LOXL4: variants seen among roughly 807,000 people sequenced by gnomAD.
LOXL4 encodes lysyl oxidase homolog 4.
In LOXL4, 72 loss-of-function variants were observed where a neutral mutation model predicts 89.1. The ratio of observed to expected loss-of-function variants is 0.81; its 90% CI spans 0.67 to 0.98. LOXL4 has a LOEUF of 0.98. Among genes scored for constraint, LOXL4 ranks in the 50% least tolerant of loss-of-function variants. LOXL4 has a pLI of 0.00. For synonymous variants in LOXL4, 355 were observed against 392.1 expected, an observed-to-expected ratio of 0.91 and a Z score of 1.12; for missense variants, 984 against 1,017.5, an observed-to-expected ratio of 0.97 and a Z score of 0.45.
chr10:98,260,924 G>A lies in LOXL4; in HGVS notation c.660C>T (p.Tyr220=), dbSNP rs753068721. The A allele has an allele frequency of 1.9e-6, 3 of 1,609,510 alleles. No individual in the cohort carries two copies. The highest frequency in any genetic ancestry group is 2.7e-5 in the African/African-American group (2 of 74,786). ...GCCTACGCCAGCCGCCCTCCTACCT[G>A]TAGTAGTGGCTGTCGACAGGCACCT... is the stretch of plus-strand genomic sequence containing the variant. ...PSEVPVDSHY[Y]RKVWDLKMRD... The change falls in exon 4 of 15, where the codon TAC becomes TAT. Residue 220 remains tyrosine (Y), a splice_region_variant and synonymous_variant. Transcript: ENST00000260702.
rs1191505650 is a variant in LOXL4, at chr10:98,259,379, G to A, written c.701+12C>T. On this transcript the variant is annotated intron_variant, in intron 5 of 14. Coordinates refer to ENST00000260702, the MANE Select transcript of LOXL4 (RefSeq NM_032211.7). Reference sequence around the variant, plus strand: ...CCCCTTTGCCTCCTCCCTCTAGGGTGCTGCTCCTCACCTAGACTTAGGGTC... The same window carrying A: ...CCCCTTTGCCTCCTCCCTCTAGGGTACTGCTCCTCACCTAGACTTAGGGTC... The A allele has an allele frequency of 2.0e-5, 33 of 1,612,602 alleles. No homozygotes were observed. The highest frequency in any genetic ancestry group is 2.7e-5 in the Non-Finnish European group (32 of 1,179,530).
intron 14 of LOXL4, among the ~76,000 whole-genome samples, chr10:98,250,632 C>T (rs913123663): frequency 2.0e-5 from 3 of 152,126 alleles, no homozygotes; most frequent in African/African-American, 4.8e-5. Context: ...TTTCCATGGT[C>T]CCCTTCTTGC....
intron 14 of LOXL4, among the ~76,000 whole-genome samples, chr10:98,250,441 C>G (rs1253128226): frequency 6.6e-6 from 1 of 152,238 alleles, no homozygotes; most frequent in Admixed American, 6.5e-5. Flanking sequence ...ATGAACAACT[C>G]TGCCCCATCC....
At position 98,261,017 on chromosome 10, in the gene LOXL4, C is replaced by T. The variant is rs752970914; in HGVS notation, c.567G>A (p.Gln189=). The T allele has an allele frequency of 2.5e-6, 4 of 1,613,950 alleles. No individual in the cohort carries two copies. The African/African-American group carries it at 5.3e-5, about 22-fold the overall frequency. Residue 189 remains glutamine (Q), a synonymous_variant, in exon 4 of 15, where the codon CAG becomes CAA. Transcript: ENST00000260702. The part of the protein sequence containing the change: ...VEVKYEGHWR[Q]VCDQGWTMNN... ...TCATGGTCCAGCCCTGGTCACACAC[C>T]TGCCGCCAGTGGCCCTCATACTTCA...
chr10:98,267,177 G>A (rs369624507), intron 1 of LOXL4, among the ~76,000 whole-genome samples: 21 of 152,120 alleles, frequency 1.4e-4, no homozygotes, highest in Non-Finnish European at 2.2e-4. Flanking sequence ...GCTAGACGCC[G>A]GACTCTCAAA....
chr10:98,259,831 G>A (rs7081469), intron 4 of LOXL4, among the ~76,000 whole-genome samples: 3,729 of 152,272 alleles, frequency 0.024, 147 homozygotes, highest in African/African-American at 0.08. Flanking sequence ...CCTCATGGGT[G>A]GCAGGCAAGT....
Position 98,258,045 on chromosome 10 carries a change from G to A in LOXL4, c.1041C>T (p.Val347=), listed in dbSNP as rs112540326. The change falls in exon 7 of 15, where the codon GTC becomes GTT. Residue 347 remains valine, a synonymous_variant. Transcript: ENST00000260702. ...AGCCAAAGCCCAGCTGACGACACACGACACTGGCAGAGATGAGGTTCCACC... is the reference window on the plus strand; with the variant it reads ...AGCCAAAGCCCAGCTGACGACACACAACACTGGCAGAGATGAGGTTCCACC... The part of the protein sequence containing the change: ...DHRWNLISAS[V]VCRQLGFGSA... 19 of 1,613,744 alleles carry A rather than the reference G, an allele frequency of 1.2e-5. 1 individual carries two copies. The highest frequency in any genetic ancestry group is 9.9e-5 in the South Asian group (9 of 91,088).
chr10:98,262,329 G>A (rs985330880), intron 2 of LOXL4, 116 bp from the exon 3 acceptor site: 7 of 1,099,560 alleles, frequency 6.4e-6, no homozygotes, highest in Admixed American at 2.5e-5. Flanking sequence ...GGAGAAAGTG[G>A]CAGGGAGGAG....
intron 11 of LOXL4, 84 bp downstream of exon 11, chr10:98,253,469 G>A: frequency 6.3e-7 from 1 of 1,586,760 alleles, no homozygotes; most frequent in African/African-American, 1.3e-5. Context: ...AAACTTGCCT[G>A]TGGCCAGGGA....
chr10:98,255,944 T>C (rs1410267571), intron 9 of LOXL4: 1 of 527,188 alleles, frequency 1.9e-6, no homozygotes, highest in Non-Finnish European at 3.3e-6. Flanking sequence ...CCACCACATA[T>C]GGAGGTAAAA....
At position 98,259,385 on chromosome 10, in the gene LOXL4, C is replaced by T. The variant is rs1858475906; in HGVS notation, c.701+6G>A. 2 of 1,612,906 alleles carry T rather than the reference C, an allele frequency of 1.2e-6. No individual in the cohort carries two copies. The highest frequency in any genetic ancestry group is 8.5e-7 in the Non-Finnish European group (1 of 1,179,744). On this transcript the variant is annotated splice_donor_region_variant and intron_variant, in intron 5 of 14. Coordinates refer to ENST00000260702, the MANE Select transcript of LOXL4 (RefSeq NM_032211.7). The stretch of plus-strand genomic sequence containing the variant: ...TGCCTCCTCCCTCTAGGGTGCTGCT[C>T]CTCACCTAGACTTAGGGTCCCTCAT...
Position 98,255,284 on chromosome 10 carries a change from G to C in LOXL4, c.1591+293C>G, listed in dbSNP as rs1858322659. ...GGAAAAACTGCCCTTGCTGTTTTCT[G>C]TCCTGTTTCATTGTTTGTAACTGTT... is the stretch of plus-strand genomic sequence containing the variant. On this transcript the variant is annotated intron_variant, in intron 10 of 14. Coordinates refer to ENST00000260702, the MANE Select transcript of LOXL4 (RefSeq NM_032211.7). Among the ~76,000 whole-genome samples the C allele has an allele frequency of 2.0e-5, 3 of 152,314 alleles. No individual in the cohort carries two copies. The South Asian group carries it at 6.2e-4, about 32-fold the overall frequency.
Position 98,251,694 on chromosome 10 carries a change from GC to G in LOXL4, c.1959del (p.Gln653HisfsTer14). The G allele has an allele frequency of 1.2e-6, 2 of 1,614,138 alleles. No individual in the cohort carries two copies. Among genetic ancestry groups the G allele is most frequent in the Non-Finnish European group, 8.5e-7 (1 of 1,180,020 alleles). ...LEDTNCPTGL[Q>X]RRYACANFGE... ...CCAAAGTTGGCACATGCGTAGCGCC[GC>G]TGCAGTCCTGTAAGGAAGGGGACAG... On this transcript the variant is annotated frameshift_variant, in exon 13 of 15. Coordinates refer to ENST00000260702, the MANE Select transcript of LOXL4 (RefSeq NM_032211.7). LOFTEE classifies it high-confidence loss of function.
At chr10:98,257,165 C>T (rs1344140460) in intron 8 of LOXL4, among the ~76,000 whole-genome samples, 1 of 152,216 alleles carries the variant, frequency 6.6e-6, no homozygotes. Context: ...AGTGCCTGGA[C>T]CAGGGGCTCC....
intron 1 of LOXL4, among the ~76,000 whole-genome samples, chr10:98,265,287 T>C (rs955079894): frequency 6.6e-6 from 1 of 152,202 alleles, no homozygotes; most frequent in African/African-American, 2.4e-5. Flanking sequence ...GGGATAATAA[T>C]AGTAACTACC....
At chr10:98,264,971 C>T (rs903653312) in intron 1 of LOXL4, among the ~76,000 whole-genome samples, 7 of 152,382 alleles carry the variant, frequency 4.6e-5, no homozygotes, top group East Asian at 1.9e-4. Context: ...TCCCTCTCAA[C>T]GGCCTTGGCC....
At position 98,262,121 on chromosome 10, in the gene LOXL4, G is replaced by C; in HGVS notation, c.370C>G (p.His124Asp). The C allele has an allele frequency of 6.2e-7, 1 of 1,613,370 alleles. No individual in the cohort carries two copies. Among genetic ancestry groups the C allele is most frequent in the Non-Finnish European group, 8.5e-7 (1 of 1,179,958 alleles). Residue 124 changes from histidine (H) to aspartate (D), a missense_variant, in exon 3 of 15, where the codon CAC (histidine) becomes GAC (aspartate). Coordinates refer to ENST00000260702, the MANE Select transcript of LOXL4 (RefSeq NM_032211.7). ...CATATCACCCCTACGTCTTCTGAGT[G>C]ACTGCAGTCACTGACTCCCCAGCCA... is the stretch of plus-strand genomic sequence containing the variant. Reference protein sequence around the residue: ...SNGWGVSDCSHSEDVGVICHP... With the variant: ...SNGWGVSDCSDSEDVGVICHP...
chr10:98,248,621 G>A lies in LOXL4; in HGVS notation c.*300C>T. 2.8e-6 allele frequency: 1 copy of A among 357,726 alleles called. No homozygotes were observed. The highest frequency in any genetic ancestry group is 5.2e-6 in the Non-Finnish European group (1 of 193,974). 22.2% of individuals were successfully genotyped at this position (357,726 alleles called of 1,614,324 possible). On this transcript the variant is annotated 3_prime_UTR_variant, in exon 15 of 15. Transcript: ENST00000260702. ...AGAAACTGAGAGCTCCTGAATCCCGGATCTCTGTGGCAAGATTCAGGGATG... is the reference window on the plus strand; with the variant it reads ...AGAAACTGAGAGCTCCTGAATCCCGAATCTCTGTGGCAAGATTCAGGGATG...
chr10:98,252,496 G>C (rs760301990), intron 11 of LOXL4, 28 bp from the exon 12 acceptor site: 2 of 1,498,358 alleles, frequency 1.3e-6, no homozygotes, highest in Non-Finnish European at 1.9e-6. Context: ...CTGTCAGTGC[G>C]GCAGCAACAG....
Sources: allele counts gnomAD v4.1 joint callset (sites outside exome capture counted in the v4.1 genomes callset), GRCh38; gene constraint gnomAD v4.1.1; transcripts MANE v1.5; gene names NCBI Gene and HGNC (gene_info 2026-07-23, HGNC 2026-07-21).